The following NEK11 variants were observed in gnomAD, a reference collection of about 807,000 sequenced individuals.
NEK11 encodes the protein serine/threonine-protein kinase Nek11.
In NEK11, 72 loss-of-function variants were observed where a neutral mutation model predicts 80.7. That is an observed-to-expected ratio of 0.89 (90% CI 0.74 to 1.08). The LOEUF (loss-of-function observed/expected upper bound fraction) is 1.08, where lower values mean the gene tolerates loss of function less well. NEK11 is among the 50% of genes least tolerant of loss of function. The pLI is 0.00. For synonymous variants in NEK11, 251 were observed against 260.7 expected, an observed-to-expected ratio of 0.96 and a Z score of 0.36; for missense variants, 764 against 763.6, an observed-to-expected ratio of 1.00 and a Z score of -0.01.
chr3:131,200,219 A>G (rs1171903303), intron 14 of NEK11, among the ~76,000 whole-genome samples: 1 of 152,232 alleles, frequency 6.6e-6, no homozygotes, highest in East Asian at 1.9e-4. Flanking sequence ...ACTGAAAGAA[A>G]GTAACTTCCA....
intron 17 of NEK11, among the ~76,000 whole-genome samples, chr3:131,312,825 T>A (rs1204773290): frequency 6.6e-6 from 1 of 152,126 alleles, no homozygotes; most frequent in East Asian, 1.9e-4. Flanking sequence ...AAAGTTTTTT[T>A]AAAAACTTTT....
chr3:131,172,941 C>T (rs1291113263), intron 14 of NEK11, among the ~76,000 whole-genome samples: 1 of 152,196 alleles, frequency 6.6e-6, no homozygotes, highest in East Asian at 1.9e-4. Context: ...AATTATAATG[C>T]ATTAGCATGC....
chr3:131,048,715 G>A (rs1433661837), intron 3 of NEK11, among the ~76,000 whole-genome samples: 1 of 152,212 alleles, frequency 6.6e-6, no homozygotes, highest in African/African-American at 2.4e-5. Context: ...GTATGTTCCT[G>A]TGGTAGTTCT....
intron 17 of NEK11, among the ~76,000 whole-genome samples, chr3:131,309,033 T>A (rs1312266067): frequency 6.6e-6 from 1 of 152,212 alleles, no homozygotes; most frequent in Non-Finnish European, 1.5e-5. Context: ...CAGGTGGTAA[T>A]GCTCTCTCAC....
At chr3:131,314,641 T>C (rs1042831151) in intron 17 of NEK11, among the ~76,000 whole-genome samples, 1 of 152,140 alleles carries the variant, frequency 6.6e-6, no homozygotes, top group Non-Finnish European at 1.5e-5. Flanking sequence ...GCTGAGATAA[T>C]AGCTGAAAAA....
chr3:131,249,335 T>C (rs2095659800), intron 16 of NEK11, among the ~76,000 whole-genome samples: 1 of 152,030 alleles, frequency 6.6e-6, no homozygotes, highest in African/African-American at 2.4e-5. Flanking sequence ...TCATAAATGC[T>C]CAAGATTTGG....
chr3:131,070,999 C>T (rs560655732), intron 3 of NEK11, among the ~76,000 whole-genome samples: 8 of 152,268 alleles, frequency 5.3e-5, no homozygotes, highest in African/African-American at 1.9e-4. Flanking sequence ...GGAAAAGAAG[C>T]TGAATATGGG....
intron 4 of NEK11, among the ~76,000 whole-genome samples, chr3:131,081,090 A>T: frequency 6.6e-6 from 1 of 152,190 alleles, no homozygotes; most frequent in Non-Finnish European, 1.5e-5. Context: ...AGCCTGGGCG[A>T]TAGAGTGAGA....
intron 3 of NEK11, chr3:131,053,472 G>A (rs1002480024): frequency 1.6e-4 from 24 of 152,196 alleles, no homozygotes; most frequent in African/African-American, 5.1e-4. Context: ...AGCCAGATCT[G>A]GTTTTTCTTG....
intron 17 of NEK11, among the ~76,000 whole-genome samples, chr3:131,322,247 C>T (rs2096904661): frequency 4.6e-5 from 7 of 152,148 alleles, no homozygotes; most frequent in Admixed American, 4.6e-4. Context: ...GAACAGAAAC[C>T]AGATACCACA....
In NEK11 at chr3:131,133,965, G is replaced by A. The variant is rs2085040902; in HGVS notation, c.647+9G>A. The A allele has an allele frequency of 2.5e-6, 4 of 1,603,840 alleles. No individual in the cohort carries two copies. The highest frequency in any genetic ancestry group is 1.7e-4 in the Middle Eastern group (1 of 6,036). On this transcript the variant is annotated intron_variant, in intron 7 of 17. Transcript: ENST00000383366. ...ACAAAGTCGGACATCTGGTGAGTGGGCTAGTGGGCTAGACTCTTCATCTGC... is the reference window on the plus strand; with the variant it reads ...ACAAAGTCGGACATCTGGTGAGTGGACTAGTGGGCTAGACTCTTCATCTGC...
chr3:131,324,463 T>A (rs1214223214), intron 17 of NEK11, among the ~76,000 whole-genome samples: 1 of 152,260 alleles, frequency 6.6e-6, no homozygotes, highest in African/African-American at 2.4e-5. Context: ...TTTTAAAAAA[T>A]TGTCCTTTGT....
chr3:131,231,141 A>T (rs1472729936), intron 15 of NEK11, among the ~76,000 whole-genome samples: 1 of 151,896 alleles, frequency 6.6e-6, no homozygotes, highest in East Asian at 1.9e-4. Context: ...AGCCTCTCAC[A>T]TACATGGTGG....
chr3:131,262,145 G>A (rs143019939), intron 16 of NEK11, among the ~76,000 whole-genome samples: 112 of 152,190 alleles, frequency 7.4e-4, no homozygotes, highest in African/African-American at 2.3e-3. Flanking sequence ...GGTATACTAC[G>A]AACAACAGTA....
chr3:131,047,707 T>A (rs1242174422), intron 3 of NEK11, among the ~76,000 whole-genome samples: 1 of 152,068 alleles, frequency 6.6e-6, no homozygotes, highest in East Asian at 1.9e-4. Flanking sequence ...TCTGCGAGGG[T>A]CCTTGGTTGT....
At chr3:131,223,402 C>T (rs958313842) in intron 14 of NEK11, among the ~76,000 whole-genome samples, 1 of 152,118 alleles carries the variant, frequency 6.6e-6, no homozygotes, top group Non-Finnish European at 1.5e-5. Flanking sequence ...TTTCCTTCTT[C>T]CCCTTCTAGG....
rs146322213 is a variant in NEK11 at position 131,111,996 on chromosome 3, T to C, written c.455+2075T>C. On this transcript the variant is annotated intron_variant, in intron 5 of 17. Coordinates refer to ENST00000383366, the MANE Select transcript of NEK11 (RefSeq NM_024800.5). ...TTTTATATTGTTAATAGGGTATACA[T>C]TGATATAAACACTTTTGAGAAATGT... Among the ~76,000 whole-genome samples, 10 of 152,272 alleles carry C rather than the reference T, an allele frequency of 6.6e-5. No homozygotes were observed. The South Asian group carries it at 2.1e-3, about 32-fold the overall frequency.
intron 16 of NEK11, among the ~76,000 whole-genome samples, chr3:131,253,800 G>T (rs1231124054): frequency 1.3e-5 from 2 of 152,106 alleles, no homozygotes; most frequent in African/African-American, 2.4e-5. Context: ...AAACCATAAT[G>T]CATGTGTATT....
chr3:131,074,505 A>G (rs2074002687), intron 3 of NEK11, among the ~76,000 whole-genome samples: 1 of 152,158 alleles, frequency 6.6e-6, no homozygotes, highest in African/African-American at 2.4e-5. Context: ...GGAAATATAC[A>G]GCATATATAA....
Sources: gnomAD v4.1 joint callset for allele counts (sites outside exome capture counted in the v4.1 genomes callset) on GRCh38, gnomAD v4.1.1 for gene constraint, MANE v1.5 for transcripts, NCBI Gene and HGNC (gene_info 2026-07-23, HGNC 2026-07-21) for gene names.